Variants in IKZF2 observed in about 807,000 individuals in gnomAD.
IKZF2 encodes zinc finger protein Helios.
In IKZF2, 15 loss-of-function variants were observed where a neutral mutation model predicts 49.2. The observed-to-expected ratio is 0.30, with a 90% CI of 0.20 to 0.47. The LOEUF is 0.47. Among genes scored for constraint, IKZF2 ranks in the 20% least tolerant of loss-of-function variants. The pLI is 1.00. For synonymous variants in IKZF2, 227 were observed against 221.4 expected (o/e 1.03, Z -0.23); for missense variants, 567 against 664.6 (o/e 0.85, Z 1.61).
At chr2:213,127,272 G>A (rs1338149140) in intron 4 of IKZF2, among the ~76,000 whole-genome samples, 1 of 152,138 alleles carries the variant, frequency 6.6e-6, no homozygotes, top group African/African-American at 2.4e-5. Context: ...GGGGTCAAGG[G>A]CAAACAGTAC....
At chr2:213,136,394 A>AGG (rs2060675021) in intron 4 of IKZF2, among the ~76,000 whole-genome samples, 1 of 111,942 alleles carries the variant, frequency 8.9e-6, no homozygotes, top group Non-Finnish European at 2.0e-5. Context: ...AAAAAAAAGA[A>AGG]AAAGAAAAAG....
At chr2:213,023,826 C>G (rs1033413648) in intron 6 of IKZF2, among the ~76,000 whole-genome samples, 1 of 152,108 alleles carries the variant, frequency 6.6e-6, no homozygotes, top group Non-Finnish European at 1.5e-5. Flanking sequence ...CGGGTCTTCC[C>G]TGGTATTAGT....
chr2:213,098,360 G>A (rs1355565380), intron 4 of IKZF2, among the ~76,000 whole-genome samples: 1 of 151,978 alleles, frequency 6.6e-6, no homozygotes, highest in African/African-American at 2.4e-5. Context: ...ATCAAAAGAG[G>A]TTTGAATGTA....
chr2:213,138,938 T>C (rs536054318), intron 4 of IKZF2, among the ~76,000 whole-genome samples: 1 of 151,986 alleles, frequency 6.6e-6, no homozygotes, highest in East Asian at 1.9e-4. Flanking sequence ...TCCATCTTCA[T>C]CTAAAATAGA....
intron 4 of IKZF2, among the ~76,000 whole-genome samples, chr2:213,122,292 C>A (rs1490244415): frequency 6.6e-6 from 1 of 152,228 alleles, no homozygotes; most frequent in African/African-American, 2.4e-5. Flanking sequence ...GCTGTAATAT[C>A]TTAGCTCCTT....
Position 213,147,725 on chromosome 2 carries a change from G to A in IKZF2, c.122C>T (p.Pro41Leu), listed in dbSNP as rs2061128284. The stretch of plus-strand genomic sequence containing the variant: ...AGACTTACTGCTTGTCATGTGACTT[G>A]GTGAGGCATGCTGTCCATTGGGTGT... ...SSTPNGQHAS[P>L]SHMTSTNSVK... Residue 41 changes from proline (P) to leucine (L), a missense_variant, in exon 4 of 9, where the codon CCA (proline) becomes CTA (leucine). Coordinates refer to ENST00000434687, the MANE Select transcript of IKZF2 (RefSeq NM_001387220.1). 5 of 1,613,232 alleles carry A rather than the reference G, an allele frequency of 3.1e-6. No homozygotes were observed. The South Asian group carries it at 5.5e-5, about 18-fold the overall frequency.
chr2:213,078,532 A>G (rs1381531342), intron 4 of IKZF2, among the ~76,000 whole-genome samples: 3 of 152,246 alleles, frequency 2.0e-5, no homozygotes, highest in Non-Finnish European at 4.4e-5. Context: ...GTAAACGTAC[A>G]AGAAAACTGA....
At chr2:213,119,030 CTA>C (rs1194726450) in intron 4 of IKZF2, among the ~76,000 whole-genome samples, 2 of 152,132 alleles carry the variant, frequency 1.3e-5, no homozygotes, top group African/African-American at 2.4e-5. Flanking sequence ...TTGAATTGTT[CTA>C]TGACAGGATG....
intron 4 of IKZF2, among the ~76,000 whole-genome samples, chr2:213,081,790 C>A (rs576775001): frequency 2.7e-4 from 41 of 152,032 alleles, no homozygotes; most frequent in African/African-American, 8.2e-4. Context: ...CCTGAGGAAC[C>A]GAGGTACCAA....
chr2:213,114,446 T>C (rs898994197), intron 4 of IKZF2, among the ~76,000 whole-genome samples: 22 of 152,206 alleles, frequency 1.4e-4, no homozygotes, highest in African/African-American at 5.3e-4. Flanking sequence ...ATGGAATTAA[T>C]AGTGATTATT....
intron 4 of IKZF2, among the ~76,000 whole-genome samples, chr2:213,131,328 T>C (rs905682244): frequency 1.3e-5 from 2 of 152,170 alleles, no homozygotes; most frequent in African/African-American, 4.8e-5. Flanking sequence ...TTAAAGTTTA[T>C]TAAAAACAAC....
Position 213,003,372 on chromosome 2 carries a change from T to C in IKZF2, c.*3988A>G, listed in dbSNP as rs1180823690. On this transcript the variant is annotated 3_prime_UTR_variant, in exon 9 of 9. Transcript: ENST00000434687. ...TTCCCACTTTTTTTTTCTTTTGGAT[T>C]TGGGGAATTTTCTGGTTTAGAATAG... 1.3e-5 allele frequency: 2 copies of C among 151,922 alleles called. No individual in the cohort carries two copies. The highest frequency in any genetic ancestry group is 3.9e-4 in the East Asian group (2 of 5,178). The allele number at this position is 151,922 out of a possible 1,614,324, so 9.4% of individuals were successfully genotyped here.
intron 6 of IKZF2, among the ~76,000 whole-genome samples, chr2:213,029,596 C>T (rs979357222): frequency 4.6e-5 from 7 of 151,890 alleles, no homozygotes; most frequent in South Asian, 2.1e-4. Context: ...AATCAGTCTT[C>T]GATTTCACTT....
At chr2:213,101,420 A>T (rs1706641022) in intron 4 of IKZF2, among the ~76,000 whole-genome samples, 1 of 152,104 alleles carries the variant, frequency 6.6e-6, no homozygotes, top group Non-Finnish European at 1.5e-5. Flanking sequence ...AGGAATGAGA[A>T]TTAGAATAGA....
chr2:213,051,372 G>T (rs906862458), intron 5 of IKZF2, among the ~76,000 whole-genome samples: 2 of 151,838 alleles, frequency 1.3e-5, no homozygotes, highest in Non-Finnish European at 2.9e-5. Context: ...TGTGGTGGGG[G>T]TTAAGGTTTT....
Position 213,057,039 on chromosome 2 carries a change from C to A in IKZF2, c.200G>T (p.Arg67Leu). Residue 67 changes from arginine (R) to leucine (L), a missense_variant, in exon 5 of 9, where the codon CGT becomes CTT. This residue lies in a region of IKZF2 where 156 missense variants were observed against 138.5 expected (regional missense o/e 1.13). Transcript: ENST00000434687. ...DEECDRKPLS[R>L]EDEIRGHDEG... Reference sequence around the variant, plus strand: ...ATCATGGCCCCTGATCTCATCTTCACGGCTCAGGGGTTTCCTGTCACACTC... The same window carrying A: ...ATCATGGCCCCTGATCTCATCTTCAAGGCTCAGGGGTTTCCTGTCACACTC... 3.1e-6 allele frequency: 5 copies of A among 1,613,756 alleles called. No individual in the cohort carries two copies. The highest frequency in any genetic ancestry group is 4.2e-6 in the Non-Finnish European group (5 of 1,179,792).
Position 213,107,809 on chromosome 2 carries a change from T to C in IKZF2, c.139+39899A>G, listed in dbSNP as rs559166604. On this transcript the variant is annotated intron_variant, in intron 4 of 8. Transcript: ENST00000434687. Reference sequence around the variant, plus strand: ...CAACATTTTAGAGAACTATCAAGAATACTGGAACACGACAGAACACAATGC... The same window carrying C: ...CAACATTTTAGAGAACTATCAAGAACACTGGAACACGACAGAACACAATGC... 5.9e-5 allele frequency among the ~76,000 whole-genome samples: 9 copies of C among 152,274 alleles called. No homozygotes were observed. The South Asian group carries it at 1.9e-3, about 32-fold the overall frequency.
chr2:213,122,566 C>G (rs569496834), intron 4 of IKZF2, among the ~76,000 whole-genome samples: 24 of 152,140 alleles, frequency 1.6e-4, no homozygotes, highest in Non-Finnish European at 2.9e-4. Flanking sequence ...TTATTCTTTC[C>G]TAAGAATTTC....
chr2:213,032,852 T>C (rs1377777841), intron 6 of IKZF2, among the ~76,000 whole-genome samples: 1 of 152,224 alleles, frequency 6.6e-6, no homozygotes, highest in East Asian at 1.9e-4. Flanking sequence ...AAGGCTGGGA[T>C]GGATGTGGCA....
Sources: allele counts gnomAD v4.1 joint callset (sites outside exome capture counted in the v4.1 genomes callset), GRCh38; gene constraint gnomAD v4.1.1; regional missense constraint gnomAD v4.1.1; transcripts MANE v1.5; gene names NCBI Gene and HGNC (gene_info 2026-07-23, HGNC 2026-07-21).